Variants in TBCCD1 observed in about 807,000 individuals in gnomAD.
The protein encoded by TBCCD1 is TBCC domain-containing protein 1.
A neutral mutation model predicts 53.4 loss-of-function variants in TBCCD1; 26 were observed. The ratio of observed to expected loss-of-function variants is 0.49; its 90% CI spans 0.36 to 0.68. The LOEUF (loss-of-function observed/expected upper bound fraction) is 0.68, where lower values mean the gene tolerates loss of function less well. TBCCD1 is among the 30% of genes least tolerant of loss of function. The pLI, the probability that TBCCD1 is intolerant of heterozygous loss-of-function variation, is 0.00. For missense variants in TBCCD1, 558 were observed against 669.5 expected, an observed-to-expected ratio of 0.83 and a Z score of 1.84; for synonymous variants, 245 against 241.7, an observed-to-expected ratio of 1.01 and a Z score of -0.13.
At chr3:186,563,401 GCTTCCT>G in intron 2 of TBCCD1, among the ~76,000 whole-genome samples, 1 of 151,800 alleles carries the variant, frequency 6.6e-6, no homozygotes. Context: ...TTTAATACCA[GCTTCCT>G]CTACTAGTCC....
chr3:186,565,853 C>T (rs1320277341), intron 1 of TBCCD1, among the ~76,000 whole-genome samples: 1 of 152,098 alleles, frequency 6.6e-6, no homozygotes, highest in Non-Finnish European at 1.5e-5. Context: ...TTGTTGCTTC[C>T]AAATGATTTT....
At chr3:186,550,704 A>G (rs140758642) in intron 7 of TBCCD1, among the ~76,000 whole-genome samples, 259 of 152,162 alleles carry the variant, frequency 1.7e-3, no homozygotes, top group African/African-American at 6.0e-3. Context: ...TCAAATCTTC[A>G]TTTGGATTAA....
chr3:186,553,787 T>G (rs1287150093), intron 6 of TBCCD1, among the ~76,000 whole-genome samples: 1 of 152,144 alleles, frequency 6.6e-6, no homozygotes, highest in Non-Finnish European at 1.5e-5. Context: ...CCCACTCCCA[T>G]CCCCAACCTA....
At chr3:186,563,848 G>C (rs1028600697) in intron 2 of TBCCD1, 146 bp downstream of exon 2, 4 of 939,440 alleles carry the variant, frequency 4.3e-6, no homozygotes, top group Non-Finnish European at 6.1e-6. Context: ...AAGACTGCTT[G>C]AAGCCGGGAG....
At position 186,558,587 on chromosome 3, in the gene TBCCD1, A is replaced by C. The variant is rs1198343703; in HGVS notation, c.337-15T>G. 1 of 1,610,916 alleles carries C rather than the reference A, an allele frequency of 6.2e-7. No homozygotes were observed. The highest frequency in any genetic ancestry group is 8.5e-7 in the Non-Finnish European group (1 of 1,178,834). ...TCCACTGAAAGCTGTCCAAGAAGAAAATAAAAGATGAATAGACGTTTTAAA... is the reference window on the plus strand; with the variant it reads ...TCCACTGAAAGCTGTCCAAGAAGAACATAAAAGATGAATAGACGTTTTAAA... On this transcript the variant is annotated splice_polypyrimidine_tract_variant and intron_variant, in intron 2 of 7. Coordinates refer to ENST00000338733, the MANE Select transcript of TBCCD1 (RefSeq NM_018138.5).
At chr3:186,554,223 A>G in intron 6 of TBCCD1, 31 bp downstream of exon 6, 1 of 1,603,084 alleles carries the variant, frequency 6.2e-7, no homozygotes, top group East Asian at 2.2e-5. Context: ...TTCACAAAAA[A>G]CACAAACTGT....
chr3:186,552,659 T>TTC (rs1325933590), intron 6 of TBCCD1, among the ~76,000 whole-genome samples: 2 of 152,228 alleles, frequency 1.3e-5, no homozygotes, highest in African/African-American at 4.8e-5. Flanking sequence ...ATAGTCCTGC[T>TTC]TCCTAGAACT....
chr3:186,560,019 A>C (rs1714648903), intron 2 of TBCCD1, among the ~76,000 whole-genome samples: 1 of 152,202 alleles, frequency 6.6e-6, no homozygotes. Flanking sequence ...GGTAAATAGA[A>C]TCATATAGTA....
intron 6 of TBCCD1, among the ~76,000 whole-genome samples, chr3:186,553,825 C>A (rs111314352): frequency 0.014 from 2,185 of 152,224 alleles, 22 homozygotes; most frequent in Non-Finnish European, 0.022. Context: ...AATTTGAAAT[C>A]CAAACCTTAA....
intron 2 of TBCCD1, among the ~76,000 whole-genome samples, chr3:186,560,653 G>A (rs1246503193): frequency 1.3e-5 from 2 of 152,158 alleles, no homozygotes; most frequent in Admixed American, 6.5e-5. Flanking sequence ...TTCTCTAAGA[G>A]GCTTATACAG....
Position 186,546,489 on chromosome 3 carries a change from G to A in TBCCD1, c.*488C>T, listed in dbSNP as rs575886245. Reference sequence around the variant, plus strand: ...AAAGTCAGAAGTTTAGCGAAAATTCGGCCTAAACAGTAATAAATGAAAATG... The same window carrying A: ...AAAGTCAGAAGTTTAGCGAAAATTCAGCCTAAACAGTAATAAATGAAAATG... On this transcript the variant is annotated 3_prime_UTR_variant, in exon 8 of 8. Coordinates refer to ENST00000338733, the MANE Select transcript of TBCCD1 (RefSeq NM_018138.5). 3 of 151,958 alleles carry A rather than the reference G, an allele frequency of 2.0e-5. No homozygotes were observed. The highest frequency in any genetic ancestry group is 7.3e-5 in the African/African-American group (3 of 41,356). 9.4% of individuals were successfully genotyped at this position (151,958 alleles called of 1,614,324 possible).
At chr3:186,555,795 G>T (rs888276958) in intron 4 of TBCCD1, among the ~76,000 whole-genome samples, 1 of 151,926 alleles carries the variant, frequency 6.6e-6, no homozygotes, top group African/African-American at 2.4e-5. Context: ...CTCACCTTCC[G>T]CCAACCTCAG....
rs184429395 is a variant in TBCCD1, at chr3:186,554,723, T to C, written c.1075A>G (p.Ser359Gly). The change falls in exon 6 of 8, where the codon AGC becomes GGC. Residue 359 changes from serine (S) to glycine (G), a missense_variant. Transcript: ENST00000338733. The part of the protein sequence containing the change: ...RSVTIEKCRN[S>G]IFVLGPVGTT... The stretch of plus-strand genomic sequence containing the variant: ...CCTACAGGGCCCAAGACAAAGATGC[T>C]ATTCCTGCACTTCTCAATTGTCACA... 9.4e-4 allele frequency: 1,519 copies of C among 1,614,060 alleles called. 10 individuals are homozygous for C. Among genetic ancestry groups the C allele is most frequent in the Non-Finnish European group, 3.8e-4 (443 of 1,179,988 alleles).
intron 3 of TBCCD1, among the ~76,000 whole-genome samples, chr3:186,557,364 A>T (rs765247534): frequency 3.3e-5 from 5 of 152,224 alleles, no homozygotes; most frequent in Non-Finnish European, 5.9e-5. Flanking sequence ...AGAGGCAGAA[A>T]TGAATGGAGG....
intron 7 of TBCCD1, among the ~76,000 whole-genome samples, chr3:186,549,593 G>A (rs1029810891): frequency 3.9e-5 from 6 of 152,210 alleles, no homozygotes; most frequent in Non-Finnish European, 5.9e-5. Flanking sequence ...AGGAGTTGGA[G>A]GCTGCAGTGA....
At chr3:186,552,934 A>C (rs1030054835) in intron 6 of TBCCD1, among the ~76,000 whole-genome samples, 2 of 152,192 alleles carry the variant, frequency 1.3e-5, no homozygotes, top group Non-Finnish European at 2.9e-5. Flanking sequence ...AGAACGGCAG[A>C]AATTGAGGAA....
intron 6 of TBCCD1, 124 bp downstream of exon 6, chr3:186,554,130 G>C (rs1714454380): frequency 1.5e-6 from 2 of 1,379,222 alleles, no homozygotes; most frequent in Non-Finnish European, 2.0e-6. Context: ...TTATAGGCGT[G>C]AGCCACCGCG....
intron 7 of TBCCD1, among the ~76,000 whole-genome samples, chr3:186,548,434 AT>A (rs1196849762): frequency 6.6e-6 from 1 of 152,196 alleles, no homozygotes; most frequent in African/African-American, 2.4e-5. Context: ...AATGTTCTAG[AT>A]TTTTTAGTGG....
At chr3:186,570,348 C>T (rs565729104), upstream of TBCCD1, 10 of 517,126 alleles carry the variant, frequency 1.9e-5, no homozygotes, top group East Asian at 2.4e-4. Flanking sequence ...ACAGAGAAAA[C>T]TTCTCTCCCA....
Sources: gnomAD v4.1 joint callset for allele counts (sites outside exome capture counted in the v4.1 genomes callset) on GRCh38, gnomAD v4.1.1 for gene constraint, MANE v1.5 for transcripts, NCBI Gene and HGNC (gene_info 2026-07-23, HGNC 2026-07-21) for gene names.